Variants in ANKRD17 observed in about 807,000 individuals in gnomAD.
ANKRD17 encodes the protein ankyrin repeat domain-containing protein 17.
In ANKRD17, 19 loss-of-function variants were observed where a neutral mutation model predicts 229.7. The ratio of observed to expected loss-of-function variants is 0.08; its 90% confidence interval spans 0.06 to 0.12. The LOEUF (loss-of-function observed/expected upper bound fraction) is 0.12, where lower values mean the gene tolerates loss of function less well. ANKRD17 is among the 10% of genes least tolerant of loss of function. The pLI, the probability that ANKRD17 is intolerant of heterozygous loss-of-function variation, is 1.00. For missense variants in ANKRD17, 2,176 were observed against 3,176.8 expected, an observed-to-expected ratio of 0.68 and a Z score of 7.57; for synonymous variants, 1,112 against 1,146.1, an observed-to-expected ratio of 0.97 and a Z score of 0.60.
At chr4:73,162,994 G>A (rs996651319) in intron 2 of ANKRD17, among the ~76,000 whole-genome samples, 27 of 150,506 alleles carry the variant, frequency 1.8e-4, no homozygotes, top group African/African-American at 5.4e-4. Context: ...AAGCACCTGC[G>A]ACCACAGGCG....
intron 1 of ANKRD17, among the ~76,000 whole-genome samples, chr4:73,209,532 G>A (rs984949495): frequency 6.6e-6 from 1 of 152,058 alleles, no homozygotes; most frequent in African/African-American, 2.4e-5. Context: ...CAAAACCCTA[G>A]GTGCAGATAG....
intron 1 of ANKRD17, among the ~76,000 whole-genome samples, chr4:73,248,814 A>T (rs1744731058): frequency 6.6e-6 from 1 of 152,062 alleles, no homozygotes; most frequent in African/African-American, 2.4e-5. Flanking sequence ...CAATGAAAAC[A>T]GCCACACATA....
intron 1 of ANKRD17, among the ~76,000 whole-genome samples, chr4:73,245,118 T>G (rs1341114825): frequency 5.9e-5 from 9 of 152,218 alleles, no homozygotes; most frequent in Admixed American, 5.9e-4. Context: ...CAGCTGCTTC[T>G]GTGCTCTAAA....
At chr4:73,124,825 A>T in intron 18 of ANKRD17, 88 bp downstream of exon 18, 1 of 1,471,416 alleles carries the variant, frequency 6.8e-7, no homozygotes, top group Non-Finnish European at 9.2e-7. Context: ...ACGTCAAAGC[A>T]TTGTTCTGAT....
chr4:73,091,080 T>C lies in ANKRD17; in HGVS notation c.6548A>G (p.His2183Arg), dbSNP rs1317532693. 1 of 1,613,986 alleles carries C rather than the reference T, an allele frequency of 6.2e-7. No individual in the cohort carries two copies. The highest frequency in any genetic ancestry group is 1.7e-5 in the Admixed American group (1 of 59,990). The change falls in exon 29 of 34, where the codon CAT (histidine) becomes CGT (arginine). Residue 2183 changes from histidine to arginine, a missense_variant. This residue lies in a region of ANKRD17 where 424 missense variants were observed against 454.0 expected (regional missense o/e 0.93). Transcript: ENST00000358602. ...ATTCTTGTGAGGGGCAGTTGTGCCA[T>C]GAGGGGGTGGTCTAATAGCAGGGGT... is the stretch of plus-strand genomic sequence containing the variant. ...METPAIRPPP[H>R]GTTAPHKNSA...
At chr4:73,167,188 T>C (rs572368789) in intron 2 of ANKRD17, among the ~76,000 whole-genome samples, 3 of 152,222 alleles carry the variant, frequency 2.0e-5, no homozygotes, top group Admixed American at 1.3e-4. Flanking sequence ...TGAAGCTGGA[T>C]GATGGATAAA....
In ANKRD17 at chr4:73,097,186, C is replaced by T; in HGVS notation, c.5108G>A (p.Gly1703Glu). The T allele has an allele frequency of 6.2e-7, 1 of 1,612,072 alleles. No individual in the cohort carries two copies. The highest frequency in any genetic ancestry group is 1.1e-5 in the South Asian group (1 of 90,652). ...CTTAGGACTTGCTACTGTTAACTTCCCATTTGGAGAAGAAAGGGGAGATGG... is the reference window on the plus strand; with the variant it reads ...CTTAGGACTTGCTACTGTTAACTTCTCATTTGGAGAAGAAAGGGGAGATGG... ...SGPSPLSSPN[G>E]KLTVASPKRG... is the part of the protein sequence containing the mutation. The change falls in exon 27 of 34, where the codon GGG becomes GAG. Residue 1703 changes from glycine to glutamate, a missense_variant. Gly to Glu is a moderately conservative substitution (Grantham distance 98, BLOSUM62 -2). Coordinates refer to ENST00000358602, the MANE Select transcript of ANKRD17 (RefSeq NM_032217.5).
Position 73,177,448 on chromosome 4 carries a change from T to C in ANKRD17, c.479A>G (p.Asp160Gly), listed in dbSNP as rs1207616539. ...ATCTACTGTCCTGAGGTCTGCACCA[T>C]CAGCAGTACCTGATAAGAGCAACTT... ...ASKLLLSGTA[D>G]GADLRTVDPE... Residue 160 changes from aspartate to glycine, a missense_variant, in exon 2 of 34, where the codon GAT becomes GGT. By Grantham distance (94) the Asp-to-Gly change is moderately conservative. Coordinates refer to ENST00000358602, the MANE Select transcript of ANKRD17 (RefSeq NM_032217.5). The C allele has an allele frequency of 1.9e-6, 3 of 1,613,824 alleles. No individual in the cohort carries two copies. Among genetic ancestry groups the C allele is most frequent in the Non-Finnish European group, 2.5e-6 (3 of 1,179,786 alleles).
intron 8 of ANKRD17, among the ~76,000 whole-genome samples, chr4:73,147,693 A>G (rs1730468094): frequency 6.6e-6 from 1 of 152,100 alleles, no homozygotes; most frequent in Non-Finnish European, 1.5e-5. Context: ...TGATAAAAGA[A>G]CTCAAAAAAA....
chr4:73,258,536 C>T lies in ANKRD17; in HGVS notation c.133G>A (p.Ala45Thr). 1.3e-6 allele frequency: 2 copies of T among 1,521,556 alleles called. No homozygotes were observed. The highest frequency in any genetic ancestry group is 2.4e-5 in the South Asian group (2 of 82,444). 94.3% of individuals were successfully genotyped at this position (1,521,556 alleles called of 1,614,324 possible). ...CCACGAGGAGACGAGGCCGAGCGAG[C>T]TCTGCTGCTGCCGCCAACGCCGCCG... ...VGGGVGGSSRARSASSPRGMV... is the reference protein window; with the variant it reads ...VGGGVGGSSRTRSASSPRGMV... The change falls in exon 1 of 34, where the codon GCT becomes ACT. Residue 45 changes from alanine to threonine, a missense_variant. Physicochemically the swap from Ala to Thr is moderately conservative, Grantham distance 58. This residue lies in a region of ANKRD17 where 196 missense variants were observed against 190.0 expected (regional missense o/e 1.03). Transcript: ENST00000358602.
chr4:73,203,111 A>G (rs1166579172), intron 1 of ANKRD17, among the ~76,000 whole-genome samples: 1 of 152,236 alleles, frequency 6.6e-6, no homozygotes, highest in Non-Finnish European at 1.5e-5. Flanking sequence ...TATAAATAGC[A>G]AAACTATAGG....
intron 2 of ANKRD17, among the ~76,000 whole-genome samples, chr4:73,162,304 C>A (rs1283856592): frequency 6.6e-6 from 1 of 152,132 alleles, no homozygotes; most frequent in Non-Finnish European, 1.5e-5. Flanking sequence ...CCGGCCTCAG[C>A]ATGCCAAAGT....
intron 24 of ANKRD17, among the ~76,000 whole-genome samples, chr4:73,108,914 A>T (rs1461820666): frequency 6.6e-6 from 1 of 152,236 alleles, no homozygotes; most frequent in Non-Finnish European, 1.5e-5. Context: ...AGGGAAAAAA[A>T]TAGGAGAAAG....
chr4:73,135,741 C>T (rs1200798778), intron 15 of ANKRD17, among the ~76,000 whole-genome samples: 28 of 152,060 alleles, frequency 1.8e-4, no homozygotes, highest in Admixed American at 1.8e-3. Context: ...ACTATGCAAT[C>T]ATTTAAAACA....
chr4:73,086,780 T>C (rs1291095221), intron 29 of ANKRD17, among the ~76,000 whole-genome samples: 4 of 148,210 alleles, frequency 2.7e-5, no homozygotes, highest in Admixed American at 1.4e-4. Context: ...TTTTATTAGC[T>C]TTTATAGAAC....
Position 73,161,309 on chromosome 4 carries a change from G to A in ANKRD17, c.587C>T (p.Ala196Val). 6.2e-7 allele frequency: 1 copy of A among 1,614,174 alleles called. No homozygotes were observed. Among genetic ancestry groups the A allele is most frequent in the Non-Finnish European group, 8.5e-7 (1 of 1,180,038 alleles). ...KLSTADGKAF[A>V]DPEVLRRLTS... Reference sequence around the variant, plus strand: ...CAACCTCCGAAGTACTTCAGGATCTGCAAAGGCTTTACCATCAGCCGTGGA... The same window carrying A: ...CAACCTCCGAAGTACTTCAGGATCTACAAAGGCTTTACCATCAGCCGTGGA... The change falls in exon 3 of 34, where the codon GCA becomes GTA. Residue 196 changes from alanine to valine, a missense_variant. This residue lies in a region of ANKRD17 where 184 missense variants were observed against 357.8 expected (regional missense o/e 0.51). Coordinates refer to ENST00000358602, the MANE Select transcript of ANKRD17 (RefSeq NM_032217.5).
At chr4:73,090,122 C>T (rs577356103) in intron 29 of ANKRD17, among the ~76,000 whole-genome samples, 155 of 152,078 alleles carry the variant, frequency 1.0e-3, no homozygotes, top group African/African-American at 3.5e-3. Context: ...GAGAAAAACA[C>T]GCCTAGGCCA....
intron 16 of ANKRD17, among the ~76,000 whole-genome samples, chr4:73,126,930 G>A (rs1727551984): frequency 6.6e-6 from 1 of 152,032 alleles, no homozygotes; most frequent in South Asian, 2.1e-4. Flanking sequence ...AGCAACATGT[G>A]ACTATTAGCA....
At chr4:73,096,544 A>G (rs1243216968) in intron 27 of ANKRD17, among the ~76,000 whole-genome samples, 1 of 152,190 alleles carries the variant, frequency 6.6e-6, no homozygotes, top group African/African-American at 2.4e-5. Context: ...AAAAGTTTAA[A>G]TTTTTACGAA....
Sources: gnomAD v4.1 joint callset for allele counts (sites outside exome capture counted in the v4.1 genomes callset) on GRCh38, gnomAD v4.1.1 for gene constraint, gnomAD v4.1.1 regional missense constraint, MANE v1.5 for transcripts, NCBI Gene and HGNC (gene_info 2026-07-23, HGNC 2026-07-21) for gene names.